DDX21: variants seen among roughly 807,000 people sequenced by gnomAD.
The protein encoded by DDX21 is nucleolar RNA helicase 2.
DDX21 carries 18 observed loss-of-function variants against 90.0 expected under a neutral mutation model. The observed-to-expected ratio is 0.20, with a 90% confidence interval of 0.14 to 0.30. The LOEUF is 0.30. DDX21 is among the 10% of genes least tolerant of loss of function. The probability of loss-of-function intolerance (pLI) is 1.00; values close to 1 mark genes in which losing one functional copy is unlikely to be tolerated. For synonymous variants in DDX21, 294 were observed against 318.0 expected, an observed-to-expected ratio of 0.92 and a Z score of 0.80; for missense variants, 673 against 944.5, an observed-to-expected ratio of 0.71 and a Z score of 3.77.
intron 1 of DDX21, 48 bp downstream of exon 1, chr10:68,956,360 A>C (rs746080411): frequency 1.4e-4 from 220 of 1,609,508 alleles, no homozygotes; most frequent in Non-Finnish European, 1.8e-4. Context: ...ATGGAGCGGA[A>C]CCCCGGGGTG....
chr10:68,972,376 A>G (rs1471259632), intron 9 of DDX21, among the ~76,000 whole-genome samples: 2 of 152,198 alleles, frequency 1.3e-5, no homozygotes, highest in African/African-American at 4.8e-5. Context: ...CCTAGAGGAC[A>G]GGGGAGAGAA....
chr10:68,960,326 A>G (rs1037079392), intron 2 of DDX21, 77 bp downstream of exon 2: 11 of 1,403,712 alleles, frequency 7.8e-6, no homozygotes, highest in Admixed American at 2.5e-5. Flanking sequence ...TGCTATATGT[A>G]CTCTTTAATA....
At chr10:68,956,970 A>G in intron 1 of DDX21, among the ~76,000 whole-genome samples, 1 of 149,634 alleles carries the variant, frequency 6.7e-6, no homozygotes, top group Non-Finnish European at 1.5e-5. Context: ...TGAACCCGGG[A>G]GGCGGAGGTT....
intron 10 of DDX21, 72 bp from the exon 11 acceptor site, chr10:68,974,598 T>C: frequency 7.9e-7 from 1 of 1,272,184 alleles, no homozygotes; most frequent in South Asian, 1.3e-5. Context: ...ATTAAAAAAT[T>C]AGGGGACTGC....
At chr10:68,964,341 TCC>T (rs1450088229) in intron 4 of DDX21, among the ~76,000 whole-genome samples, 1 of 152,100 alleles carries the variant, frequency 6.6e-6, no homozygotes, top group Non-Finnish European at 1.5e-5. Context: ...GTGTCCATGC[TCC>T]CCCTTTGTTA....
chr10:68,982,473 TG>T, intron 14 of DDX21, 69 bp from the exon 15 acceptor site: 1 of 1,534,612 alleles, frequency 6.5e-7, no homozygotes, highest in Non-Finnish European at 8.8e-7. Flanking sequence ...GCAAATATTT[TG>T]TTTTTCTCAT....
At position 68,963,526 on chromosome 10, in the gene DDX21, C is replaced by T. The variant is rs1338810941; in HGVS notation, c.786+57C>T. 5.4e-6 allele frequency: 8 copies of T among 1,492,162 alleles called. No individual in the cohort carries two copies. In the East Asian group the frequency reaches 1.6e-4, roughly 30 times the overall value. 92.4% of individuals were successfully genotyped at this position (1,492,162 alleles called of 1,614,324 possible). A position where few individuals can be genotyped will look rare whatever the true frequency, so the allele number is the denominator to read the frequency against. On this transcript the variant is annotated intron_variant, in intron 4 of 14. Transcript: ENST00000354185. ...AGCATAGGAAAAACCACCACTTGGG[C>T]ATTGTGTACATACCCTACTATTTTT...
rs748253590 is a variant in DDX21, at chr10:68,981,534, T to C, written c.2038-3T>C. On this transcript the variant is annotated splice_polypyrimidine_tract_variant and splice_region_variant and intron_variant, in intron 13 of 14. Coordinates refer to ENST00000354185, the MANE Select transcript of DDX21 (RefSeq NM_004728.4). ...ATTAACTTCCATTTGCTTTGATTTC[T>C]AGGGTGTTTGCTTTGATGTACCTAC... 1.2e-6 allele frequency: 2 copies of C among 1,613,092 alleles called. No homozygotes were observed. Among genetic ancestry groups the C allele is most frequent in the African/African-American group, 2.7e-5 (2 of 74,896 alleles).
In DDX21 at chr10:68,974,694, G is replaced by A; in HGVS notation, c.1693G>A (p.Val565Ile). ...GGGAATTAAGTTCAAACGAATAGGT[G>A]TTCCTTCTGCAACAGAAATAATAAA... ...KAGIKFKRIG[V>I]PSATEIIKAS... is the part of the protein sequence containing the mutation. Residue 565 changes from valine to isoleucine, a missense_variant, in exon 11 of 15, where the codon GTT (valine) becomes ATT (isoleucine). This residue lies in a region of DDX21 where 225 missense variants were observed against 298.8 expected (regional missense o/e 0.75). Coordinates refer to ENST00000354185, the MANE Select transcript of DDX21 (RefSeq NM_004728.4). 2 of 1,614,000 alleles carry A rather than the reference G, an allele frequency of 1.2e-6. No individual in the cohort carries two copies. Among genetic ancestry groups the A allele is most frequent in the Non-Finnish European group, 1.7e-6 (2 of 1,179,950 alleles).
At chr10:68,980,968 A>T (rs1406905658) in intron 13 of DDX21, among the ~76,000 whole-genome samples, 1 of 152,166 alleles carries the variant, frequency 6.6e-6, no homozygotes, top group African/African-American at 2.4e-5. Context: ...GGGAAAAAAA[A>T]AAGATGGTGT....
chr10:68,958,561 C>T (rs182313835), intron 1 of DDX21, among the ~76,000 whole-genome samples: 1 of 152,104 alleles, frequency 6.6e-6, no homozygotes, highest in South Asian at 2.1e-4. Context: ...CTCAGCCTCC[C>T]GAGTAGCTGG....
intron 14 of DDX21, among the ~76,000 whole-genome samples, chr10:68,981,859 GTGTGTGTGTGTGTGCA>G (rs1843196711): frequency 6.6e-6 from 1 of 151,856 alleles, no homozygotes; most frequent in African/African-American, 2.4e-5. Context: ...TTTTGTGTGT[GTGTGTGTGTGTGTGCA>G]TGTGTGTGTG....
At chr10:68,966,023 G>A (rs564810673) in intron 5 of DDX21, among the ~76,000 whole-genome samples, 25 of 152,020 alleles carry the variant, frequency 1.6e-4, no homozygotes, top group South Asian at 1.2e-3. Context: ...TTGGCCAGGC[G>A]CAGTGGCTCA....
At chr10:68,960,538 T>C in intron 2 of DDX21, among the ~76,000 whole-genome samples, 1 of 152,160 alleles carries the variant, frequency 6.6e-6, no homozygotes, top group East Asian at 1.9e-4. Context: ...CTCAGCTCAC[T>C]GCAACCTCTG....
intron 2 of DDX21, among the ~76,000 whole-genome samples, chr10:68,961,025 G>C (rs1034779619): frequency 1.4e-4 from 22 of 152,268 alleles, no homozygotes; most frequent in African/African-American, 4.8e-4. Context: ...GAGTTGAACA[G>C]GATGATAAAA....
intron 10 of DDX21, 112 bp downstream of exon 10, chr10:68,973,776 A>G: frequency 7.2e-7 from 1 of 1,380,508 alleles, no homozygotes. Flanking sequence ...TGTGGCAATG[A>G]CTGAAAGCTT....
chr10:68,982,721 C>G lies in DDX21; in HGVS notation c.2261C>G (p.Pro754Arg). 1 of 1,613,838 alleles carries G rather than the reference C, an allele frequency of 6.2e-7. No homozygotes were observed. The highest frequency in any genetic ancestry group is 2.2e-5 in the East Asian group (1 of 44,858). ...FRGQREGSRG[P>R]RGQRSGGGNK... ...GGACAGCGGGAAGGCAGTAGAGGCC[C>G]GAGAGGACAGCGATCAGGAGGTGGC... The change falls in exon 15 of 15, where the codon CCG becomes CGG. Residue 754 changes from proline to arginine, a missense_variant. Physicochemically the swap from Pro to Arg is moderately radical, Grantham distance 103. Coordinates refer to ENST00000354185, the MANE Select transcript of DDX21 (RefSeq NM_004728.4).
intron 1 of DDX21, among the ~76,000 whole-genome samples, chr10:68,958,019 CTTAT>C (rs1011214469): frequency 2.6e-5 from 4 of 152,140 alleles, no homozygotes; most frequent in Admixed American, 2.6e-4. Flanking sequence ...ATTCTTGTAA[CTTAT>C]TTATTTTATT....
intron 6 of DDX21, among the ~76,000 whole-genome samples, chr10:68,967,565 T>C (rs1842956489): frequency 6.6e-6 from 1 of 151,998 alleles, no homozygotes; most frequent in Non-Finnish European, 1.5e-5. Context: ...AAAAAAGTCA[T>C]TACTCTGGGA....
Sources: allele counts gnomAD v4.1 joint callset (sites outside exome capture counted in the v4.1 genomes callset), GRCh38; gene constraint gnomAD v4.1.1; regional missense constraint gnomAD v4.1.1; transcripts MANE v1.5; gene names NCBI Gene and HGNC (gene_info 2026-07-23, HGNC 2026-07-21).